Variants in MAP3K20 observed in about 807,000 individuals in gnomAD.
MAP3K20 encodes the protein mitogen-activated protein kinase kinase kinase 20.
In MAP3K20, 40 loss-of-function variants were observed where a neutral mutation model predicts 85.7. The observed-to-expected ratio is 0.47, with a 90% CI of 0.36 to 0.61. The LOEUF is 0.61. Among genes scored for constraint, MAP3K20 ranks in the 20% least tolerant of loss-of-function variants. The pLI is 0.00. For synonymous variants in MAP3K20, 325 were observed against 327.7 expected, an observed-to-expected ratio of 0.99 and a Z score of 0.09; for missense variants, 817 against 961.7, an observed-to-expected ratio of 0.85 and a Z score of 1.99.
rs1684732233 is a variant in MAP3K20, at chr2:173,239,498, T to G, written c.1359+2T>G. 2.5e-6 allele frequency: 4 copies of G among 1,609,150 alleles called. No homozygotes were observed. Among genetic ancestry groups the G allele is most frequent in the Non-Finnish European group, 3.4e-6 (4 of 1,178,628 alleles). On this transcript the variant is annotated splice_donor_variant, in intron 16 of 19. Transcript: ENST00000375213. LOFTEE classifies it high-confidence loss of function. ...TTGAAACCAGGAACTGGCCCACAGG[T>G]AAATCACATTTTAAATCCTTTGGAT...
At chr2:173,204,485 G>T (rs1244857028) in intron 9 of MAP3K20, among the ~76,000 whole-genome samples, 1 of 152,230 alleles carries the variant, frequency 6.6e-6, no homozygotes, top group African/African-American at 2.4e-5. Flanking sequence ...CAGCTTCAGT[G>T]ATGTTTTTGA....
At chr2:173,194,786 C>T (rs994126941) in intron 7 of MAP3K20, among the ~76,000 whole-genome samples, 3 of 151,752 alleles carry the variant, frequency 2.0e-5, no homozygotes, top group Non-Finnish European at 4.4e-5. Context: ...AAAATCCACC[C>T]AAAAAACTGC....
At chr2:173,103,188 A>T (rs1016414345) in intron 2 of MAP3K20, among the ~76,000 whole-genome samples, 1 of 152,224 alleles carries the variant, frequency 6.6e-6, no homozygotes. Flanking sequence ...TGTGAAAGCG[A>T]GGGACTTTTT....
At position 173,217,248 on chromosome 2, in the gene MAP3K20, C is replaced by G; in HGVS notation, c.985C>G (p.Pro329Ala). The G allele has an allele frequency of 6.4e-7, 1 of 1,562,868 alleles. No homozygotes were observed. Among genetic ancestry groups the G allele is most frequent in the South Asian group, 1.2e-5 (1 of 81,718 alleles). Reference sequence around the variant, plus strand: ...AAAGCTGACAGAGCAGTCCAACACCCCGGTGAGTACCCTCCCCCTTCGCCG... The same window carrying G: ...AAAGCTGACAGAGCAGTCCAACACCGCGGTGAGTACCCTCCCCCTTCGCCG... Reference protein sequence around the residue: ...EQKLTEQSNTPLLPSFEIGAW... With the variant: ...EQKLTEQSNTALLPSFEIGAW... Residue 329 changes from proline (P) to alanine (A), a missense_variant and splice_region_variant, in exon 11 of 20, where the codon CCG becomes GCG. Coordinates refer to ENST00000375213, the MANE Select transcript of MAP3K20 (RefSeq NM_016653.3).
At chr2:173,120,062 C>CT (rs971383033) in intron 2 of MAP3K20, among the ~76,000 whole-genome samples, 2 of 152,152 alleles carry the variant, frequency 1.3e-5, no homozygotes, top group East Asian at 3.9e-4. Flanking sequence ...CTCTTTCTTT[C>CT]TTTTTTAAAA....
At chr2:173,133,986 A>G (rs1416858353) in intron 2 of MAP3K20, among the ~76,000 whole-genome samples, 3 of 125,010 alleles carry the variant, frequency 2.4e-5, no homozygotes, top group South Asian at 2.9e-4. Context: ...GCGATATTCC[A>G]TCTCAAAAAA....
intron 16 of MAP3K20, among the ~76,000 whole-genome samples, chr2:173,242,526 C>G (rs1684812343): frequency 6.6e-6 from 1 of 151,774 alleles, no homozygotes; most frequent in Non-Finnish European, 1.5e-5. Context: ...ACTGAAAAAT[C>G]TATTTTTTAG....
chr2:173,159,129 A>G (rs11687539), intron 2 of MAP3K20, among the ~76,000 whole-genome samples: 28,364 of 152,228 alleles, frequency 0.19, 3,089 homozygotes, highest in Admixed American at 0.35. Flanking sequence ...TTACTCACCT[A>G]GTCCAATGTT....
intron 9 of MAP3K20, among the ~76,000 whole-genome samples, chr2:173,205,240 A>G (rs1336647904): frequency 6.6e-6 from 1 of 152,136 alleles, no homozygotes; most frequent in Non-Finnish European, 1.5e-5. Context: ...TTGTGGAAAT[A>G]GAGGTATTAA....
Position 173,258,574 on chromosome 2 carries a change from AG to A in MAP3K20, c.1360-123del, listed in dbSNP as rs564710855. 2,138 of 578,092 alleles carry A rather than the reference AG, an allele frequency of 3.7e-3. 24 individuals are homozygous for A. The South Asian group carries it at 0.044, about 12-fold the overall frequency. The allele number at this position is 578,092 out of a possible 1,614,324, so 35.8% of individuals were successfully genotyped here. A position where few individuals can be genotyped will look rare whatever the true frequency, so the allele number is the denominator to read the frequency against. On this transcript the variant is annotated intron_variant, in intron 16 of 19. Coordinates refer to ENST00000375213, the MANE Select transcript of MAP3K20 (RefSeq NM_016653.3). The stretch of plus-strand genomic sequence containing the variant: ...TAATTTCATGTCCTTTTATTGAAAA[AG>A]GAAAAAAAAAAAAGCCACTCCAATA...
At chr2:173,147,092 C>T (rs1041496119) in intron 2 of MAP3K20, among the ~76,000 whole-genome samples, 1 of 152,196 alleles carries the variant, frequency 6.6e-6, no homozygotes, top group African/African-American at 2.4e-5. Context: ...TGTATATATT[C>T]CACATACTAG....
intron 9 of MAP3K20, among the ~76,000 whole-genome samples, chr2:173,206,365 T>C (rs1200099286): frequency 6.6e-6 from 1 of 152,230 alleles, no homozygotes; most frequent in Admixed American, 6.5e-5. Context: ...TCCAGCCACA[T>C]GAAGTATAAA....
At chr2:173,183,265 A>G (rs1247526976) in intron 4 of MAP3K20, among the ~76,000 whole-genome samples, 3 of 152,188 alleles carry the variant, frequency 2.0e-5, no homozygotes, top group Admixed American at 2.0e-4. Context: ...TGACACATTA[A>G]ATGGAAAAAT....
At chr2:173,224,842 TTTA>T in intron 11 of MAP3K20, 1 of 985,002 alleles carries the variant, frequency 1.0e-6, no homozygotes, top group Non-Finnish European at 1.2e-6. Flanking sequence ...AAAAGGAATA[TTTA>T]TTAGCCATAT....
intron 2 of MAP3K20, among the ~76,000 whole-genome samples, chr2:173,128,415 C>T (rs1467850380): frequency 6.6e-6 from 1 of 152,066 alleles, no homozygotes; most frequent in Non-Finnish European, 1.5e-5. Flanking sequence ...TCACTGCAGC[C>T]TCTGCCTCCT....
In MAP3K20 at chr2:173,229,867, G is replaced by A; in HGVS notation, c.1032+134G>A. ...GGTTGACAAATTCTTTTCTCACTCT[G>A]TCTCCCAGGCTGGAGTGCAGTGGTG... is the stretch of plus-strand genomic sequence containing the variant. On this transcript the variant is annotated intron_variant, in intron 12 of 19. Coordinates refer to ENST00000375213, the MANE Select transcript of MAP3K20 (RefSeq NM_016653.3). 3.0e-6 allele frequency: 3 copies of A among 999,920 alleles called. No homozygotes were observed. In the Admixed American group the frequency reaches 5.9e-5, roughly 20 times the overall value. 61.9% of individuals were successfully genotyped at this position (999,920 alleles called of 1,614,324 possible). A position where few individuals can be genotyped will look rare whatever the true frequency, so the allele number is the denominator to read the frequency against.
rs1041736510 is a variant in MAP3K20 at position 173,224,988 on chromosome 2, A to G, written c.988-4701A>G. 5.1e-6 allele frequency: 5 copies of G among 983,834 alleles called. No individual in the cohort carries two copies. The African/African-American group carries it at 8.7e-5, about 17-fold the overall frequency. The allele number at this position is 983,834 out of a possible 1,614,324, so 60.9% of individuals were successfully genotyped here. ...AAAATGTACATTTAGAGGTTAAAAGAAACAGTGAGAAATGTAAACATTCAA... is the reference window on the plus strand; with the variant it reads ...AAAATGTACATTTAGAGGTTAAAAGGAACAGTGAGAAATGTAAACATTCAA... On this transcript the variant is annotated intron_variant, in intron 11 of 19. Transcript: ENST00000375213.
chr2:173,230,621 C>A (rs1321098510), intron 12 of MAP3K20, among the ~76,000 whole-genome samples: 4 of 152,174 alleles, frequency 2.6e-5, no homozygotes, highest in Non-Finnish European at 4.4e-5. Context: ...TTGATAGAAA[C>A]CCTGAGAAAC....
chr2:173,217,047 G>A lies in MAP3K20; in HGVS notation c.852-68G>A, dbSNP rs1022906453. The stretch of plus-strand genomic sequence containing the variant: ...TGTCTTTTACTTTGATTAGCATTCT[G>A]ATGGACCCACTAAGCGCTTGATGTC... On this transcript the variant is annotated intron_variant, in intron 10 of 19. Coordinates refer to ENST00000375213, the MANE Select transcript of MAP3K20 (RefSeq NM_016653.3). 3.7e-6 allele frequency: 5 copies of A among 1,334,164 alleles called. No homozygotes were observed. In the African/African-American group the frequency reaches 6.0e-5, roughly 16 times the overall value. The allele number at this position is 1,334,164 out of a possible 1,614,324, so 82.6% of individuals were successfully genotyped here.
Sources: gnomAD v4.1 joint callset for allele counts (sites outside exome capture counted in the v4.1 genomes callset) on GRCh38, gnomAD v4.1.1 for gene constraint, MANE v1.5 for transcripts, NCBI Gene and HGNC (gene_info 2026-07-23, HGNC 2026-07-21) for gene names.